The following PRPF3 variants were observed in gnomAD, a reference collection of about 807,000 sequenced individuals.
PRPF3 encodes pre-mRNA processing factor 3, also known as U4/U6 small nuclear ribonucleoprotein Prp3.
In PRPF3, 3 loss-of-function variants were observed where a neutral mutation model predicts 89.2. The observed-to-expected ratio is 0.03, with a 90% CI of 0.02 to 0.09. PRPF3 has a LOEUF of 0.09. Among genes scored for constraint, PRPF3 ranks in the 10% least tolerant of loss-of-function variants. The probability of loss-of-function intolerance (pLI) is 1.00; values close to 1 mark genes in which losing one functional copy is unlikely to be tolerated. For missense variants in PRPF3, 463 were observed against 828.8 expected, an observed-to-expected ratio of 0.56 and a Z score of 5.42; for synonymous variants, 270 against 289.1, an observed-to-expected ratio of 0.93 and a Z score of 0.67.
intron 14 of PRPF3, among the ~76,000 whole-genome samples, chr1:150,346,786 A>G (rs1185406412): frequency 2.6e-5 from 4 of 152,152 alleles, no homozygotes; most frequent in African/African-American, 9.7e-5. Flanking sequence ...TTTATTCAGT[A>G]TTTGAAAATT....
chr1:150,323,097 ACTC>A (rs1655256725), intron 1 of PRPF3, among the ~76,000 whole-genome samples: 1 of 147,094 alleles, frequency 6.8e-6, no homozygotes, highest in South Asian at 2.2e-4. Flanking sequence ...CTGGTCTCGA[ACTC>A]CTGACGTCAG....
In PRPF3 at chr1:150,333,125, A is replaced by C. The variant is rs782010113; in HGVS notation, c.654A>C (p.Ala218=). The C allele has an allele frequency of 1.2e-6, 2 of 1,614,156 alleles. No homozygotes were observed. Among genetic ancestry groups the C allele is most frequent in the Non-Finnish European group, 1.7e-6 (2 of 1,180,062 alleles). The stretch of plus-strand genomic sequence containing the variant: ...AAGCTCGAATCCAAGCCCAGCTGGC[A>C]CTGAAGCCAGGACTCATCGGCAATG... The part of the protein sequence containing the change: ...ELQARIQAQL[A]LKPGLIGNAN... The change falls in exon 6 of 16, where the codon GCA becomes GCC. Residue 218 remains alanine (A), a synonymous_variant. Transcript: ENST00000324862.
chr1:150,334,903 C>T (rs1656806536), intron 6 of PRPF3, 32 bp from the exon 7 acceptor site: 3 of 1,611,908 alleles, frequency 1.9e-6, no homozygotes, highest in Non-Finnish European at 2.5e-6. Flanking sequence ...ATGTTCCATA[C>T]AGGATTTATT....
In PRPF3 at chr1:150,328,338, T is replaced by C. The variant is rs781791885; in HGVS notation, c.295T>C (p.Ser99Pro). The C allele has an allele frequency of 3.1e-6, 5 of 1,614,000 alleles. No homozygotes were observed. In the South Asian group the frequency reaches 5.5e-5, roughly 18 times the overall value. The change falls in exon 4 of 16, where the codon TCT becomes CCT. Residue 99 changes from serine (S) to proline (P), a missense_variant. Physicochemically the swap from Ser to Pro is moderately conservative, Grantham distance 74 (BLOSUM62 -1). Transcript: ENST00000324862. Reference sequence around the variant, plus strand: ...CCCTTAGGAGGTGTTTGGTGATGACTCTGAGATCTCTAAAGAATCATCAGG... The same window carrying C: ...CCCTTAGGAGGTGTTTGGTGATGACCCTGAGATCTCTAAAGAATCATCAGG... ...RELKEVFGDD[S>P]EISKESSGVK... is the part of the protein sequence containing the mutation.
At chr1:150,332,084 C>T (rs1226138863) in intron 4 of PRPF3, among the ~76,000 whole-genome samples, 2 of 151,836 alleles carry the variant, frequency 1.3e-5, no homozygotes, top group East Asian at 3.9e-4. Context: ...ATTAGCCGGG[C>T]GTGGTGGTGG....
intron 1 of PRPF3, among the ~76,000 whole-genome samples, chr1:150,323,172 G>GTTTTTTTTT (rs1553862651): frequency 7.4e-5 from 2 of 26,968 alleles, no homozygotes; most frequent in African/African-American, 1.2e-4. Flanking sequence ...ACCGCACCTG[G>GTTTTTTTTT]CTTTTTTTTT....
At chr1:150,339,666 G>A (rs926768236) in intron 8 of PRPF3, among the ~76,000 whole-genome samples, 2 of 150,328 alleles carry the variant, frequency 1.3e-5, no homozygotes, top group South Asian at 2.1e-4. Flanking sequence ...CCAAATTCCC[G>A]ACCTCAGGTG....
At chr1:150,324,391 A>G (rs1236835536) in intron 1 of PRPF3, among the ~76,000 whole-genome samples, 3 of 152,202 alleles carry the variant, frequency 2.0e-5, no homozygotes, top group African/African-American at 7.2e-5. Flanking sequence ...GATCAACTTA[A>G]GAGTTAGAAT....
chr1:150,340,045 GC>G (rs1657525564), intron 8 of PRPF3, among the ~76,000 whole-genome samples: 1 of 152,050 alleles, frequency 6.6e-6, no homozygotes, highest in African/African-American at 2.4e-5. Flanking sequence ...CTGATACATG[GC>G]TTTAGTAGAT....
At chr1:150,329,169 A>G (rs1656055085) in intron 4 of PRPF3, among the ~76,000 whole-genome samples, 1 of 151,806 alleles carries the variant, frequency 6.6e-6, no homozygotes, top group Non-Finnish European at 1.5e-5. Context: ...AGCTGGGACT[A>G]CATGCGAACA....
In PRPF3 at chr1:150,325,557, C is replaced by T. The variant is rs34964511; in HGVS notation, c.146-194C>T. On this transcript the variant is annotated intron_variant, in intron 2 of 15. Coordinates refer to ENST00000324862, the MANE Select transcript of PRPF3 (RefSeq NM_004698.4). ...GTTGCTCTAACTGCACCACTTCCCA[C>T]GCCAAAAAATTATAACTATTTTCAC... is the stretch of plus-strand genomic sequence containing the variant. Among the ~76,000 whole-genome samples, 16,899 of 152,110 alleles carry T rather than the reference C, an allele frequency of 0.11. 1,315 individuals are homozygous for T. Among genetic ancestry groups the T allele is most frequent in the African/African-American group, 0.2 (8,245 of 41,450 alleles).
Position 150,333,149 on chromosome 1 carries a change from T to C in PRPF3, c.678T>C (p.Asn226=). 6.2e-7 allele frequency: 1 copy of C among 1,614,226 alleles called. No homozygotes were observed. The highest frequency in any genetic ancestry group is 8.5e-7 in the Non-Finnish European group (1 of 1,180,040). The change falls in exon 6 of 16, where the codon AAT becomes AAC. Residue 226 remains asparagine, a synonymous_variant. Transcript: ENST00000324862. ...QLALKPGLIG[N]ANMVGLANLH... ...CACTGAAGCCAGGACTCATCGGCAA[T>C]GCCAACATGGTGGGCCTGGCTAATC...
At chr1:150,345,969 A>C (rs1553872835) in intron 12 of PRPF3, 49 bp from the exon 13 acceptor site, 1 of 1,420,558 alleles carries the variant, frequency 7.0e-7, no homozygotes, top group East Asian at 2.3e-5. Context: ...CCATTCAGGC[A>C]GCTGCTGATG....
At chr1:150,326,246 T>G (rs587747755) in intron 3 of PRPF3, among the ~76,000 whole-genome samples, 1 of 152,332 alleles carries the variant, frequency 6.6e-6, no homozygotes, top group Non-Finnish European at 1.5e-5. Context: ...AGAATGTGAC[T>G]CCACTGGTAC....
rs1553874768 is a variant in PRPF3, at chr1:150,352,965, G to C, written c.2038G>C (p.Glu680Gln). ...WDLALSESVL[E>Q]STD ...CCTTGCGCTGAGTGAATCTGTGTTA[G>C]AGTCCACTGATTGAGACTACTGCAA... is the stretch of plus-strand genomic sequence containing the variant. Residue 680 changes from glutamate (E) to glutamine (Q), a missense_variant, in exon 16 of 16, where the codon GAG becomes CAG. Physicochemically the swap from Glu to Gln is conservative, Grantham distance 29. This residue lies in a region of PRPF3 where 78 missense variants were observed against 96.6 expected (regional missense o/e 0.81). Coordinates refer to ENST00000324862, the MANE Select transcript of PRPF3 (RefSeq NM_004698.4). 6.2e-7 allele frequency: 1 copy of C among 1,614,050 alleles called. No homozygotes were observed. The highest frequency in any genetic ancestry group is 8.5e-7 in the Non-Finnish European group (1 of 1,179,988).
In PRPF3 at chr1:150,343,480, A is replaced by T. The variant is rs782521908; in HGVS notation, c.1426+28A>T. 16 of 1,611,408 alleles carry T rather than the reference A, an allele frequency of 9.9e-6. No homozygotes were observed. The South Asian group carries it at 1.6e-4, about 17-fold the overall frequency. ...GCATTTCTCAGTGGCCTCTTCTGTT[A>T]AAAAGAGTGGCAAGTTTATGTCTTT... On this transcript the variant is annotated intron_variant, in intron 10 of 15. Transcript: ENST00000324862.
At chr1:150,331,846 A>G (rs1656436976) in intron 4 of PRPF3, among the ~76,000 whole-genome samples, 1 of 152,178 alleles carries the variant, frequency 6.6e-6, no homozygotes, top group Non-Finnish European at 1.5e-5. Flanking sequence ...AGGGGTTTAT[A>G]GAGACTAGGG....
chr1:150,340,703 A>G (rs1657599105), intron 9 of PRPF3, among the ~76,000 whole-genome samples: 1 of 152,090 alleles, frequency 6.6e-6, no homozygotes, highest in Non-Finnish European at 1.5e-5. Context: ...GAGACAGCCA[A>G]GCATGGTGGC....
rs587639927 is a variant in PRPF3, at chr1:150,337,103, A to ATC, written c.1036-1054_1036-1053dup. ...ACCCAGGCTGCAGTGCAGTGGCACGATCTCAGCTCACTGAAAGCTCCGCCT... is the reference window on the plus strand; with the variant it reads ...ACCCAGGCTGCAGTGCAGTGGCACGATCTCTCAGCTCACTGAAAGCTCCGCCT... On this transcript the variant is annotated intron_variant, in intron 7 of 15. Transcript: ENST00000324862. Among the ~76,000 whole-genome samples the ATC allele has an allele frequency of 2.6e-3, 373 of 141,428 alleles. 19 individuals carry two copies. In the South Asian group the frequency reaches 0.08, roughly 30 times the overall value. 92.8% of individuals were successfully genotyped at this position (141,428 alleles called of 152,430 possible).
Sources: gnomAD v4.1 joint callset for allele counts (sites outside exome capture counted in the v4.1 genomes callset) on GRCh38, gnomAD v4.1.1 for gene constraint, gnomAD v4.1.1 regional missense constraint, MANE v1.5 for transcripts, NCBI Gene and HGNC (gene_info 2026-07-23, HGNC 2026-07-21) for gene names.